Variants in USP13 observed in about 807,000 individuals in gnomAD.
USP13 encodes ubiquitin specific peptidase 13, also known as ubiquitin carboxyl-terminal hydrolase 13.
USP13 carries 68 observed loss-of-function variants against 107.8 expected under a neutral mutation model. The observed-to-expected ratio is 0.63, with a 90% CI of 0.52 to 0.77. The LOEUF (loss-of-function observed/expected upper bound fraction) is 0.77. Among genes scored for constraint, USP13 ranks in the 30% least tolerant of loss-of-function variants. USP13 has a pLI of 0.00. For synonymous variants in USP13, 377 were observed against 389.5 expected (o/e 0.97, Z 0.38); for missense variants, 945 against 1,093.3 (o/e 0.86, Z 1.91).
chr3:179,745,294 G>T, intron 13 of USP13, 77 bp downstream of exon 13: 2 of 1,503,386 alleles, frequency 1.3e-6, no homozygotes, highest in Admixed American at 1.9e-5. Flanking sequence ...GGGAAAGGGG[G>T]TGGGTGTTAT....
At chr3:179,728,674 C>T (rs1026224713) in intron 8 of USP13, among the ~76,000 whole-genome samples, 1 of 152,180 alleles carries the variant, frequency 6.6e-6, no homozygotes, top group African/African-American at 2.4e-5. Flanking sequence ...CACGCCACTG[C>T]ACTCCAGCCT....
In USP13 at chr3:179,653,378, C is replaced by G. The variant is rs766266327; in HGVS notation, c.153C>G (p.Phe51Leu). The part of the protein sequence containing the change: ...GDRVYKNECA[F>L]SYDSPNSEGG... ...GGGTCTACAAGAACGAGTGCGCCTT[C>G]TCCTACGACTCTCCCGTAAGTGAGG... The change falls in exon 1 of 21, where the codon TTC becomes TTG. Residue 51 changes from phenylalanine to leucine, a missense_variant. Transcript: ENST00000263966. This position sits in a 1 kb window ranked among gnomAD's most constrained non-coding sequence, Gnocchi z 4.0. 22 of 1,563,910 alleles carry G rather than the reference C, an allele frequency of 1.4e-5. No individual in the cohort carries two copies. The East Asian group carries it at 4.8e-4, about 34-fold the overall frequency.
intron 1 of USP13, among the ~76,000 whole-genome samples, chr3:179,662,321 G>A (rs1165495571): frequency 1.3e-5 from 2 of 152,056 alleles, no homozygotes; most frequent in South Asian, 2.1e-4. Context: ...GGGCTCTGAC[G>A]GCTACATAGA....
chr3:179,742,339 C>G lies in USP13; in HGVS notation c.1523C>G (p.Ala508Gly). 1 of 1,614,216 alleles carries G rather than the reference C, an allele frequency of 6.2e-7. No individual in the cohort carries two copies. Among genetic ancestry groups the G allele is most frequent in the Non-Finnish European group, 8.5e-7 (1 of 1,180,022 alleles). Residue 508 changes from alanine to glycine, a missense_variant, in exon 12 of 21, where the codon GCA (alanine) becomes GGA (glycine). By Grantham distance (60) the Ala-to-Gly change is moderately conservative. Transcript: ENST00000263966. The surrounding 1 kb of genome is among the most constrained non-coding windows in gnomAD (Gnocchi z 5.0). ...CAGTTACCTGTGGCCATGGAGGCGG[C>G]AACCAACAAGGGTAACAATTCCAAA... is the stretch of plus-strand genomic sequence containing the variant. ...LMQLPVAMEA[A>G]TNKDELIAYE...
chr3:179,767,487 C>T (rs1171691027), intron 19 of USP13, among the ~76,000 whole-genome samples: 2 of 151,168 alleles, frequency 1.3e-5, no homozygotes, highest in African/African-American at 2.4e-5. Context: ...TGCAGTGGCA[C>T]GATCTTGGCT....
chr3:179,699,185 A>T (rs1406717592), intron 3 of USP13, among the ~76,000 whole-genome samples: 1 of 152,108 alleles, frequency 6.6e-6, no homozygotes, highest in Non-Finnish European at 1.5e-5. Context: ...ACCTTTTTTT[A>T]TTAAACATTT....
At chr3:179,756,201 G>T (rs1182705283) in intron 15 of USP13, among the ~76,000 whole-genome samples, 1 of 152,126 alleles carries the variant, frequency 6.6e-6, no homozygotes, top group Non-Finnish European at 1.5e-5. Context: ...AAGGCGGGCA[G>T]ATCACGAAGT....
chr3:179,769,035 G>A (rs377675308), intron 19 of USP13, among the ~76,000 whole-genome samples: 3 of 152,060 alleles, frequency 2.0e-5, no homozygotes, highest in Non-Finnish European at 4.4e-5. Context: ...ACAAAATAAT[G>A]TTTTGTTTAT....
intron 10 of USP13, among the ~76,000 whole-genome samples, chr3:179,739,790 C>T (rs1714121361): frequency 6.6e-6 from 1 of 152,168 alleles, no homozygotes. Flanking sequence ...AACTCCTGAC[C>T]TCAGGTGATC....
intron 14 of USP13, 85 bp downstream of exon 14, chr3:179,752,458 C>A: frequency 1.0e-6 from 1 of 968,820 alleles, no homozygotes; most frequent in Non-Finnish European, 1.7e-6. Context: ...ATGTAGTTGG[C>A]TGCCACAAAC....
intron 1 of USP13, among the ~76,000 whole-genome samples, chr3:179,673,777 A>G (rs1720813487): frequency 6.6e-6 from 1 of 152,156 alleles, no homozygotes. Flanking sequence ...GGCGGGTGAG[A>G]CACTCTTAGA....
intron 10 of USP13, among the ~76,000 whole-genome samples, chr3:179,731,087 T>C (rs1713787547): frequency 6.6e-6 from 1 of 152,182 alleles, no homozygotes; most frequent in East Asian, 1.9e-4. Context: ...CTTTCTTGGC[T>C]AGAGTTTCTC....
At chr3:179,768,739 A>G (rs1560080906) in intron 19 of USP13, among the ~76,000 whole-genome samples, 1 of 152,224 alleles carries the variant, frequency 6.6e-6, no homozygotes, top group Non-Finnish European at 1.5e-5. Context: ...CCAGGAGGTA[A>G]TAGACTTTGA....
chr3:179,704,802 A>T (rs1712655756), intron 4 of USP13, among the ~76,000 whole-genome samples: 1 of 152,206 alleles, frequency 6.6e-6, no homozygotes, highest in Non-Finnish European at 1.5e-5. Flanking sequence ...TTAAGTCCCG[A>T]TCTCTAATGG....
chr3:179,669,973 G>A (rs778523526), intron 1 of USP13, among the ~76,000 whole-genome samples: 23 of 152,208 alleles, frequency 1.5e-4, no homozygotes, highest in East Asian at 9.7e-4. Flanking sequence ...GGCGTGCCAG[G>A]CTTCCTTGAG....
intron 4 of USP13, among the ~76,000 whole-genome samples, 153 bp downstream of exon 4, chr3:179,701,282 C>T (rs543084567): frequency 2.2e-4 from 33 of 152,230 alleles, no homozygotes; most frequent in African/African-American, 7.5e-4. Flanking sequence ...ACGCACATAC[C>T]TCTTCTCTTC....
chr3:179,695,642 TG>T (rs1243823009), intron 3 of USP13, among the ~76,000 whole-genome samples: 7 of 152,186 alleles, frequency 4.6e-5, no homozygotes, highest in African/African-American at 1.7e-4. Context: ...ATGTACCTCA[TG>T]GGTAAAGCTT....
At chr3:179,688,194 A>AATCC (rs1214610213) in intron 2 of USP13, among the ~76,000 whole-genome samples, 7,357 of 48,090 alleles carry the variant, frequency 0.15, 432 homozygotes, top group African/African-American at 0.31. Context: ...TCCATTCATC[A>AATCC]ATCCATCCAT....
In USP13 at chr3:179,721,856, G is replaced by A. The variant is rs1713333385; in HGVS notation, c.1088+267G>A. On this transcript the variant is annotated intron_variant, in intron 8 of 20. Transcript: ENST00000263966. This position sits in a 1 kb window ranked among gnomAD's most constrained non-coding sequence, Gnocchi z 4.3. ...GGAGGCCGAGGCGGGCAGATCACGA[G>A]GTCAGGAGTTCAAGACCAGCCTGAC... Among the ~76,000 whole-genome samples the A allele has an allele frequency of 6.6e-6, 1 of 151,974 alleles. No homozygotes were observed. The highest frequency in any genetic ancestry group is 2.1e-4 in the South Asian group (1 of 4,816).
Sources: allele counts gnomAD v4.1 joint callset (sites outside exome capture counted in the v4.1 genomes callset), GRCh38; gene constraint gnomAD v4.1.1; non-coding constraint Gnocchi (gnomAD v3.1); transcripts MANE v1.5; gene names NCBI Gene and HGNC (gene_info 2026-07-23, HGNC 2026-07-21).